DSCAM: variants seen among roughly 807,000 people sequenced by gnomAD.
The protein encoded by DSCAM is cell adhesion molecule DSCAM.
Under a neutral mutation model 217.7 loss-of-function variants are expected in DSCAM, and 47 were observed. The ratio of observed to expected loss-of-function variants is 0.22; its 90% CI spans 0.17 to 0.28. DSCAM has a LOEUF of 0.28. Ranked by LOEUF, DSCAM falls within the 10% of genes least tolerant of loss-of-function variation. DSCAM has a pLI of 1.00. For missense variants in DSCAM, 2,080 were observed against 2,618.3 expected (o/e 0.79, Z 4.49); for synonymous variants, 1,056 against 1,015.3 (o/e 1.04, Z -0.76).
rs1601280467 is a variant in DSCAM, at chr21:40,055,926, A to G, written c.4920-86T>C. ...ATGCACCTGTATACCAACTTAGTTT[A>G]TTGTCTAAATATACAAATACCTTGT... On this transcript the variant is annotated intron_variant, in intron 28 of 32. Transcript: ENST00000400454. The G allele has an allele frequency of 2.5e-5, 23 of 937,686 alleles. No homozygotes were observed. The East Asian group carries it at 5.6e-4, about 23-fold the overall frequency. 58.1% of individuals were successfully genotyped at this position (937,686 alleles called of 1,614,324 possible).
intron 2 of DSCAM, among the ~76,000 whole-genome samples, chr21:40,697,922 T>A (rs2090612679): frequency 6.6e-6 from 1 of 152,176 alleles, no homozygotes; most frequent in Non-Finnish European, 1.5e-5. Context: ...CTTTGAGTAG[T>A]ATAGATATTT....
intron 1 of DSCAM, among the ~76,000 whole-genome samples, chr21:40,800,958 T>C (rs1440088529): frequency 8.1e-6 from 1 of 124,124 alleles, no homozygotes; most frequent in Non-Finnish European, 1.9e-5. Context: ...CTTTCTTTCT[T>C]CTCCTTTTTT....
intron 20 of DSCAM, among the ~76,000 whole-genome samples, chr21:40,094,582 G>T (rs2089652866): frequency 6.6e-6 from 1 of 152,166 alleles, no homozygotes; most frequent in African/African-American, 2.4e-5. Context: ...GAAAGAATTG[G>T]AGGTCACGGT....
chr21:40,596,671 C>T (rs2077023747), intron 3 of DSCAM, among the ~76,000 whole-genome samples: 1 of 152,120 alleles, frequency 6.6e-6, no homozygotes, highest in Non-Finnish European at 1.5e-5. Flanking sequence ...TGACCTACCT[C>T]CTGCACCCCT....
chr21:40,368,865 C>T (rs563406677), intron 4 of DSCAM, among the ~76,000 whole-genome samples: 6 of 152,330 alleles, frequency 3.9e-5, no homozygotes, highest in African/African-American at 1.2e-4. Flanking sequence ...CCCTGAAATG[C>T]TAACGCATCA....
intron 1 of DSCAM, among the ~76,000 whole-genome samples, chr21:40,807,066 A>T (rs189945804): frequency 1.7e-4 from 26 of 152,286 alleles, no homozygotes; most frequent in Non-Finnish European, 2.8e-4. Context: ...TATGTAACAA[A>T]TCTGCACGTT....
At chr21:40,406,653 C>T (rs1021376903) in intron 3 of DSCAM, among the ~76,000 whole-genome samples, 1 of 152,182 alleles carries the variant, frequency 6.6e-6, no homozygotes, top group African/African-American at 2.4e-5. Context: ...TGCAGTGGCA[C>T]AATCTCGGCT....
At chr21:40,703,432 T>C (rs2090678756) in intron 2 of DSCAM, among the ~76,000 whole-genome samples, 1 of 151,938 alleles carries the variant, frequency 6.6e-6, no homozygotes, top group African/African-American at 2.4e-5. Context: ...GATGGGAGGA[T>C]CACTTGAGCC....
intron 3 of DSCAM, among the ~76,000 whole-genome samples, chr21:40,616,890 G>A (rs531601306): frequency 6.1e-4 from 92 of 150,258 alleles, no homozygotes; most frequent in African/African-American, 1.8e-3. Context: ...AGTGGCGGGC[G>A]CCTGTAGTCC....
At chr21:40,387,934 C>G (rs1486954179) in intron 3 of DSCAM, among the ~76,000 whole-genome samples, 1 of 151,378 alleles carries the variant, frequency 6.6e-6, no homozygotes, top group African/African-American at 2.4e-5. Context: ...AATTAGTGAA[C>G]AAGAAAATAA....
intron 3 of DSCAM, among the ~76,000 whole-genome samples, chr21:40,485,980 CTTGT>C (rs2076024873): frequency 6.6e-6 from 1 of 152,148 alleles, no homozygotes. Context: ...TTTTAACTTG[CTTGT>C]GTCTAAAAGT....
chr21:40,441,050 T>A (rs1355746706), intron 3 of DSCAM, among the ~76,000 whole-genome samples: 1 of 152,024 alleles, frequency 6.6e-6, no homozygotes, highest in Non-Finnish European at 1.5e-5. Flanking sequence ...CAGTTGGATC[T>A]TCAGTTTCTA....
At chr21:40,124,129 A>T (rs28569255) in intron 20 of DSCAM, 66 bp downstream of exon 20, 4 of 1,603,186 alleles carry the variant, frequency 2.5e-6, no homozygotes, top group Non-Finnish European at 3.4e-6. Flanking sequence ...GAAACTGTCC[A>T]GTGCGAGCAC....
chr21:40,306,659 T>C (rs2074080724), intron 9 of DSCAM, among the ~76,000 whole-genome samples: 1 of 151,964 alleles, frequency 6.6e-6, no homozygotes, highest in Non-Finnish European at 1.5e-5. Flanking sequence ...TGAAGGGTTG[T>C]TGAATTTTGT....
At position 40,786,640 on chromosome 21, in the gene DSCAM, G is replaced by A. The variant is rs149439952; in HGVS notation, c.43+59979C>T. Among the ~76,000 whole-genome samples the A allele has an allele frequency of 4.8e-3, 733 of 152,242 alleles. 8 individuals are homozygous for A. The highest frequency in any genetic ancestry group is 0.016 in the African/African-American group (671 of 41,536). ...TGCTAAGTGAAAAAGCCAGACCTTTGGTCAAATAGAGTGAGAAACTGCTGG... is the reference window on the plus strand; with the variant it reads ...TGCTAAGTGAAAAAGCCAGACCTTTAGTCAAATAGAGTGAGAAACTGCTGG... On this transcript the variant is annotated intron_variant, in intron 1 of 32. Transcript: ENST00000400454.
chr21:40,700,239 G>C (rs776792897), intron 2 of DSCAM, among the ~76,000 whole-genome samples: 9 of 152,224 alleles, frequency 5.9e-5, no homozygotes, highest in Admixed American at 1.3e-4. Context: ...ATGTAGAATA[G>C]AAGTGGTGAG....
chr21:40,306,422 A>T (rs1293414642), intron 9 of DSCAM, among the ~76,000 whole-genome samples: 3 of 150,622 alleles, frequency 2.0e-5, no homozygotes, highest in African/African-American at 7.4e-5. Flanking sequence ...TTCCTAATTG[A>T]ATACCCTTTA....
At chr21:40,497,204 T>C (rs1450338949) in intron 3 of DSCAM, among the ~76,000 whole-genome samples, 2 of 152,206 alleles carry the variant, frequency 1.3e-5, no homozygotes, top group African/African-American at 2.4e-5. Context: ...TCCATGTTCA[T>C]TGCAGCATTA....
At chr21:40,337,419 T>C (rs1393038712) in intron 8 of DSCAM, among the ~76,000 whole-genome samples, 2 of 152,214 alleles carry the variant, frequency 1.3e-5, no homozygotes, top group Admixed American at 6.5e-5. Context: ...ACTTGTAGAA[T>C]AGAAGAAATG....
Sources: gnomAD v4.1 joint callset for allele counts (sites outside exome capture counted in the v4.1 genomes callset) on GRCh38, gnomAD v4.1.1 for gene constraint, MANE v1.5 for transcripts, NCBI Gene and HGNC (gene_info 2026-07-23, HGNC 2026-07-21) for gene names.